SMU1: variants seen among roughly 807,000 people sequenced by gnomAD.
SMU1 encodes WD40 repeat-containing protein SMU1.
A neutral mutation model predicts 62.0 loss-of-function variants in SMU1; 2 were observed. The ratio of observed to expected loss-of-function variants is 0.03; its 90% CI spans 0.01 to 0.10. The LOEUF is 0.10. Among genes scored for constraint, SMU1 ranks in the 10% least tolerant of loss-of-function variants. The probability of loss-of-function intolerance (pLI) is 1.00; values close to 1 mark genes in which losing one functional copy is unlikely to be tolerated. For missense variants in SMU1, 227 were observed against 622.1 expected (o/e 0.36, Z 6.76); for synonymous variants, 188 against 212.4 (o/e 0.89, Z 1.00).
chr9:33,071,526 A>G (rs946389496), intron 3 of SMU1, among the ~76,000 whole-genome samples: 15 of 152,286 alleles, frequency 9.8e-5, no homozygotes, highest in African/African-American at 3.6e-4. Context: ...ACTGAGGTGT[A>G]TAGAAGACTC....
chr9:33,047,488 G>T, intron 11 of SMU1, 97 bp from the exon 12 acceptor site: 2 of 878,140 alleles, frequency 2.3e-6, no homozygotes, highest in Non-Finnish European at 3.5e-6. Flanking sequence ...AAGAGATCTT[G>T]GGAGGCCACA....
chr9:33,049,258 G>A (rs1337846418), intron 10 of SMU1, among the ~76,000 whole-genome samples: 1 of 152,164 alleles, frequency 6.6e-6, no homozygotes, highest in African/African-American at 2.4e-5. Flanking sequence ...GTGTGGTATT[G>A]GATCAATGGA....
At chr9:33,067,484 A>G (rs1839435363) in intron 4 of SMU1, among the ~76,000 whole-genome samples, 1 of 151,628 alleles carries the variant, frequency 6.6e-6, no homozygotes, top group South Asian at 2.1e-4. Flanking sequence ...TAAGAAATCA[A>G]AAAGCAGCTT....
chr9:33,076,463 GCAAGGAAATGGCCCT>G, intron 1 of SMU1, 105 bp downstream of exon 1: 1 of 1,217,108 alleles, frequency 8.2e-7, no homozygotes. Context: ...TTCTTTGGGG[GCAAGGAAATGGCCCT>G]CCACTCCCTG....
intron 3 of SMU1, among the ~76,000 whole-genome samples, chr9:33,071,440 C>T (rs1487260632): frequency 6.6e-6 from 1 of 152,064 alleles, no homozygotes; most frequent in African/African-American, 2.4e-5. Flanking sequence ...GGCAGCACTT[C>T]GGGGAGGGCT....
rs111477086 is a variant in SMU1 at position 33,059,693 on chromosome 9, C to T, written c.750+772G>A. Among the ~76,000 whole-genome samples, 402 of 148,036 alleles carry T rather than the reference C, an allele frequency of 2.7e-3. 7 individuals carry two copies. The highest frequency in any genetic ancestry group is 9.4e-3 in the African/African-American group (381 of 40,356). ...TGATCTCGGCTCACTGCAACCTCCA[C>T]CTCCCACGTTCAAGCAATTTTCCTG... On this transcript the variant is annotated intron_variant, in intron 6 of 11. Transcript: ENST00000397149.
chr9:33,062,530 T>C (rs990362964), intron 4 of SMU1, among the ~76,000 whole-genome samples: 2 of 151,230 alleles, frequency 1.3e-5, no homozygotes, highest in African/African-American at 2.4e-5. Context: ...CTTCCAATCT[T>C]CCCCCCCCAC....
intron 4 of SMU1, among the ~76,000 whole-genome samples, chr9:33,063,429 A>G (rs925118366): frequency 3.3e-5 from 5 of 152,212 alleles, no homozygotes; most frequent in Non-Finnish European, 7.3e-5. Flanking sequence ...TAATAAGCAC[A>G]TGTTCACATA....
rs113018466 is a variant in SMU1 at position 33,068,872 on chromosome 9, G to A, written c.453C>T (p.Gly151=). ...RRAAIAQALA[G]EVSVVPPSRL... is the part of the protein sequence containing the mutation. ...GAGATGGAGGCACCACACTGACTTC[G>A]CCAGCTAAGGCCTGGGCAATTGCTG... Residue 151 remains glycine, a synonymous_variant, in exon 4 of 12, where the codon GGC becomes GGT. Coordinates refer to ENST00000397149, the MANE Select transcript of SMU1 (RefSeq NM_018225.3). The A allele has an allele frequency of 1.9e-4, 306 of 1,613,976 alleles. 2 individuals carry two copies. In the African/African-American group the frequency reaches 3.1e-3, roughly 16 times the overall value.
In SMU1 at chr9:33,076,631, G is replaced by A. The variant is rs749149942; in HGVS notation, c.-23C>T. On this transcript the variant is annotated 5_prime_UTR_variant, in exon 1 of 12. Coordinates refer to ENST00000397149, the MANE Select transcript of SMU1 (RefSeq NM_018225.3). The stretch of plus-strand genomic sequence containing the variant: ...CATAGCCGTATCTCTCCGGGAGCAG[G>A]CCCCAGCTCTCCCTCAAGGCCAGTC... 7 of 1,613,754 alleles carry A rather than the reference G, an allele frequency of 4.3e-6. No homozygotes were observed. The Admixed American group carries it at 5.0e-5, about 12-fold the overall frequency.
In SMU1 at chr9:33,058,519, GTTA is replaced by G. The variant is rs1331915525; in HGVS notation, c.751-808_751-806del. Among the ~76,000 whole-genome samples, 5 of 152,238 alleles carry G rather than the reference GTTA, an allele frequency of 3.3e-5. No individual in the cohort carries two copies. In the South Asian group the frequency reaches 1.0e-3, roughly 32 times the overall value. On this transcript the variant is annotated intron_variant, in intron 6 of 11. Transcript: ENST00000397149. ...TTTAGTAGAGACAAGGTTTCATCAT[GTTA>G]GCCAGGCCGGCCTTGAACTCCTGAC...
intron 5 of SMU1, among the ~76,000 whole-genome samples, chr9:33,061,528 G>C (rs922487414): frequency 2.6e-5 from 4 of 151,846 alleles, no homozygotes; most frequent in Non-Finnish European, 5.9e-5. Flanking sequence ...TTGTAATTCT[G>C]GGAATTACCT....
intron 2 of SMU1, 30 bp downstream of exon 2, chr9:33,073,566 C>T (rs1839510770): frequency 6.4e-7 from 1 of 1,565,386 alleles, no homozygotes; most frequent in African/African-American, 1.4e-5. Flanking sequence ...CGAACCAACC[C>T]ATGGGGATCA....
intron 5 of SMU1, among the ~76,000 whole-genome samples, chr9:33,061,256 A>G (rs148455973): frequency 6.8e-4 from 103 of 152,354 alleles, no homozygotes; most frequent in Middle Eastern, 3.4e-3. Flanking sequence ...AAAAAAGGAA[A>G]GTGTTTATAA....
intron 2 of SMU1, among the ~76,000 whole-genome samples, chr9:33,072,509 TG>T (rs1168786914): frequency 1.3e-5 from 2 of 152,100 alleles, no homozygotes; most frequent in African/African-American, 4.8e-5. Flanking sequence ...AAATTTTCTT[TG>T]GGAATTATTG....
At chr9:33,052,659 A>G (rs981070883) in intron 10 of SMU1, among the ~76,000 whole-genome samples, 3 of 152,194 alleles carry the variant, frequency 2.0e-5, no homozygotes, top group South Asian at 4.1e-4. Flanking sequence ...ACAGTCCACA[A>G]AAGTGAGATT....
rs75382780 is a variant in SMU1, at chr9:33,054,176, C to CT, written c.1123-887dup. Among the ~76,000 whole-genome samples the CT allele has an allele frequency of 7.2e-3, 1,023 of 141,620 alleles. 9 individuals are homozygous for CT. Among genetic ancestry groups the CT allele is most frequent in the African/African-American group, 0.018 (703 of 38,872 alleles). The allele number at this position is 141,620 out of a possible 152,430, so 92.9% of individuals were successfully genotyped here. On this transcript the variant is annotated intron_variant, in intron 9 of 11. Transcript: ENST00000397149. ...ACAAAACAAAAACCGCTTTTCTTTT[C>CT]TTTTTTTTTTTTTTTAAAGAGATGA...
chr9:33,069,120 T>C (rs983229756), intron 3 of SMU1, among the ~76,000 whole-genome samples, 186 bp from the exon 4 acceptor site: 14 of 152,190 alleles, frequency 9.2e-5, no homozygotes, highest in African/African-American at 3.4e-4. Flanking sequence ...CCCGCTTGCA[T>C]TTCAAAAGTA....
At chr9:33,063,615 G>A (rs1839387605) in intron 4 of SMU1, among the ~76,000 whole-genome samples, 1 of 152,108 alleles carries the variant, frequency 6.6e-6, no homozygotes, top group Non-Finnish European at 1.5e-5. Flanking sequence ...GGGAGCAAGA[G>A]CATTACAGTC....
Sources: gnomAD v4.1 joint callset for allele counts (sites outside exome capture counted in the v4.1 genomes callset) on GRCh38, gnomAD v4.1.1 for gene constraint, MANE v1.5 for transcripts, NCBI Gene and HGNC (gene_info 2026-07-23, HGNC 2026-07-21) for gene names.